Variants in MRPS27 observed in about 807,000 individuals in gnomAD.
The protein encoded by MRPS27 is mitochondrial ribosomal protein S27, also known as small ribosomal subunit protein mS27.
In MRPS27, 43 loss-of-function variants were observed where a neutral mutation model predicts 48.9. The observed-to-expected ratio is 0.88, with a 90% confidence interval of 0.69 to 1.13. The LOEUF is 1.13. MRPS27 is among the 50% of genes most tolerant of loss of function. The pLI is 0.00. For missense variants in MRPS27, 467 were observed against 476.3 expected (o/e 0.98, Z 0.18); for synonymous variants, 188 against 171.9 (o/e 1.09, Z -0.73).
At chr5:72,319,537 C>CTTTTTTTTTTTTTTTTTTTTTTTTTT (rs35020848) in intron 1 of MRPS27, among the ~76,000 whole-genome samples, 1 of 84,204 alleles carries the variant, frequency 1.2e-5, no homozygotes, top group Non-Finnish European at 2.2e-5. Context: ...TAGGTTTTTC[C>CTTTTTTTTTTTTTTTTTTTTTTTTTT]TTTTTTTTTT....
chr5:72,234,044 A>G, intron 6 of MRPS27, 75 bp downstream of exon 6: 1 of 1,337,244 alleles, frequency 7.5e-7, no homozygotes, highest in South Asian at 1.9e-5. Context: ...AAAAAAGGGG[A>G]AGTTCCTACA....
At chr5:72,246,381 C>T (rs1316192312) in intron 4 of MRPS27, among the ~76,000 whole-genome samples, 1 of 152,132 alleles carries the variant, frequency 6.6e-6, no homozygotes, top group Admixed American at 6.6e-5. Flanking sequence ...ACTTATTCCC[C>T]CTACTGTTCC....
rs148432300 is a variant in MRPS27 at position 72,234,328 on chromosome 5, G to C, written c.397-131C>G. ...TAAAATATTTGACTATCATTTTACA[G>C]CATCTGTGACAGTGAAACAGAAGCC... On this transcript the variant is annotated intron_variant, in intron 5 of 10. Coordinates refer to ENST00000261413, the MANE Select transcript of MRPS27 (RefSeq NM_015084.3). 213 of 817,134 alleles carry C rather than the reference G, an allele frequency of 2.6e-4. 2 individuals are homozygous for C. The East Asian group carries it at 7.5e-3, about 29-fold the overall frequency. 50.6% of individuals were successfully genotyped at this position (817,134 alleles called of 1,614,324 possible). A position where few individuals can be genotyped will look rare whatever the true frequency, so the allele number is the denominator to read the frequency against.
chr5:72,281,549 G>T (rs555261461), intron 4 of MRPS27, among the ~76,000 whole-genome samples: 1 of 152,196 alleles, frequency 6.6e-6, no homozygotes, highest in Non-Finnish European at 1.5e-5. Context: ...GAAAATCAGG[G>T]TAAGTTTATG....
At position 72,223,617 on chromosome 5, in the gene MRPS27, C is replaced by CCAT. The variant is rs1747811488; in HGVS notation, c.1005+63_1005+65dup. 5 of 1,538,478 alleles carry CCAT rather than the reference C, an allele frequency of 3.2e-6. No homozygotes were observed. In the East Asian group the frequency reaches 1.1e-4, roughly 35 times the overall value. ...ACATTGATGCAGAAAGAATGCTTAT[C>CCAT]CATCACCACAGGAGAGAAGTGTGTT... On this transcript the variant is annotated intron_variant, in intron 10 of 10. Coordinates refer to ENST00000261413, the MANE Select transcript of MRPS27 (RefSeq NM_015084.3).
intron 4 of MRPS27, among the ~76,000 whole-genome samples, chr5:72,274,553 C>A (rs753775425): frequency 3.3e-5 from 5 of 152,122 alleles, no homozygotes; most frequent in Non-Finnish European, 7.4e-5. Context: ...CTGCCTGAGG[C>A]TGTTGAAAGT....
rs116177484 is a variant in MRPS27 at position 72,300,489 on chromosome 5, C to T, written c.152-2787G>A. ...CCAATTACATAGGTGATATTTCCAT[C>T]TGGGTGTCTAATAGGTATCTAAACA... is the stretch of plus-strand genomic sequence containing the variant. On this transcript the variant is annotated intron_variant, in intron 2 of 10. Transcript: ENST00000261413. Among the ~76,000 whole-genome samples, 574 of 152,292 alleles carry T rather than the reference C, an allele frequency of 3.8e-3. 1 individual carries two copies. Among genetic ancestry groups the T allele is most frequent in the African/African-American group, 0.013 (550 of 41,550 alleles).
intron 7 of MRPS27, chr5:72,229,144 T>C (rs1339317751): frequency 1.3e-5 from 2 of 152,168 alleles, no homozygotes; most frequent in Non-Finnish European, 2.9e-5. Context: ...GAGTACACAG[T>C]GGACAGAGCT....
chr5:72,303,910 A>C (rs1750187385), intron 2 of MRPS27, among the ~76,000 whole-genome samples: 1 of 149,752 alleles, frequency 6.7e-6, no homozygotes, highest in East Asian at 1.9e-4. Context: ...AAAAAAGATA[A>C]GGGCGAAATG....
Position 72,310,104 on chromosome 5 carries a change from G to A in MRPS27, c.151+3977C>T, listed in dbSNP as rs569199282. Among the ~76,000 whole-genome samples, 95 of 152,338 alleles carry A rather than the reference G, an allele frequency of 6.2e-4. 2 individuals are homozygous for A. In the South Asian group the frequency reaches 0.019, roughly 30 times the overall value. ...TCCCATAGGGATGAACTTGGGATTG[G>A]TGTGAACTCATTATCTGCAAAATAT... On this transcript the variant is annotated intron_variant, in intron 2 of 10. Transcript: ENST00000261413.
intron 4 of MRPS27, among the ~76,000 whole-genome samples, chr5:72,279,840 T>C (rs1045565272): frequency 6.6e-6 from 1 of 152,178 alleles, no homozygotes; most frequent in African/African-American, 2.4e-5. Flanking sequence ...TATATTTCCT[T>C]CTAAAAGTTT....
intron 6 of MRPS27, 73 bp from the exon 7 acceptor site, chr5:72,232,631 A>G (rs1445650495): frequency 3.8e-6 from 4 of 1,045,696 alleles, no homozygotes; most frequent in Non-Finnish European, 5.7e-6. Flanking sequence ...ATTTAACTAT[A>G]AACACTCTTA....
intron 4 of MRPS27, among the ~76,000 whole-genome samples, chr5:72,287,405 C>T (rs759581952): frequency 6.6e-6 from 1 of 152,024 alleles, no homozygotes; most frequent in Non-Finnish European, 1.5e-5. Context: ...TTTGGGAGGC[C>T]GAGGTAGGCA....
intron 4 of MRPS27, among the ~76,000 whole-genome samples, chr5:72,273,007 T>C (rs1477800092): frequency 1.3e-5 from 2 of 152,238 alleles, no homozygotes; most frequent in Non-Finnish European, 2.9e-5. Flanking sequence ...TAAAACTGTG[T>C]ATCTTGTGAT....
chr5:72,223,987 G>C, intron 9 of MRPS27, 137 bp from the exon 10 acceptor site: 1 of 889,226 alleles, frequency 1.1e-6, no homozygotes, highest in Non-Finnish European at 1.7e-6. Flanking sequence ...TAAAATTGTA[G>C]GAAATATAAA....
intron 10 of MRPS27, among the ~76,000 whole-genome samples, chr5:72,222,206 A>ATC (rs1305181711): frequency 6.6e-6 from 1 of 152,190 alleles, no homozygotes; most frequent in African/African-American, 2.4e-5. Context: ...AACGAAAATG[A>ATC]TCTCTCTCTG....
intron 5 of MRPS27, among the ~76,000 whole-genome samples, chr5:72,234,731 C>T (rs1748156748): frequency 6.6e-6 from 1 of 151,992 alleles, no homozygotes; most frequent in African/African-American, 2.4e-5. Context: ...AAAATGTGGA[C>T]CCTTTAGCAC....
chr5:72,272,130 TC>T (rs768066244), intron 4 of MRPS27, among the ~76,000 whole-genome samples: 16 of 152,132 alleles, frequency 1.1e-4, no homozygotes, highest in Non-Finnish European at 2.4e-4. Flanking sequence ...AGGGTATAGA[TC>T]AAGGGTTGGC....
At chr5:72,279,075 C>T (rs1426608614) in intron 4 of MRPS27, among the ~76,000 whole-genome samples, 1 of 152,206 alleles carries the variant, frequency 6.6e-6, no homozygotes, top group African/African-American at 2.4e-5. Context: ...AACTACTCTT[C>T]AAGGTGACTA....
Sources: allele counts gnomAD v4.1 joint callset (sites outside exome capture counted in the v4.1 genomes callset), GRCh38; gene constraint gnomAD v4.1.1; transcripts MANE v1.5; gene names NCBI Gene and HGNC (gene_info 2026-07-23, HGNC 2026-07-21).